The following GRK5 variants were observed in gnomAD, a reference collection of about 807,000 sequenced individuals.
GRK5 encodes the protein G protein-coupled receptor kinase 5.
In GRK5, 40 loss-of-function variants were observed where a neutral mutation model predicts 78.4. That is an observed-to-expected ratio of 0.51 (90% confidence interval 0.40 to 0.66). GRK5 has a LOEUF of 0.66. Among genes scored for constraint, GRK5 ranks in the 30% least tolerant of loss-of-function variants. The pLI is 0.00. For synonymous variants in GRK5, 289 were observed against 296.8 expected, an observed-to-expected ratio of 0.97 and a Z score of 0.27; for missense variants, 598 against 759.9, an observed-to-expected ratio of 0.79 and a Z score of 2.50.
In GRK5 at chr10:119,412,040, G is replaced by A. The variant is rs552515203; in HGVS notation, c.340-11126G>A. ...TAATTTTTGTATTTTTAGTAGAGAC[G>A]GGGTTTCATCATGTTGGCCAGGCTG... On this transcript the variant is annotated intron_variant, in intron 4 of 15. Transcript: ENST00000392870. The surrounding 1 kb of genome is among the most constrained non-coding windows in gnomAD (Gnocchi z 4.3). Among the ~76,000 whole-genome samples, 25 of 151,880 alleles carry A rather than the reference G, an allele frequency of 1.6e-4. No homozygotes were observed. Among genetic ancestry groups the A allele is most frequent in the African/African-American group, 5.8e-4 (24 of 41,454 alleles).
At chr10:119,228,054 A>G (rs538264250) in intron 1 of GRK5, among the ~76,000 whole-genome samples, 1 of 152,338 alleles carries the variant, frequency 6.6e-6, no homozygotes, top group South Asian at 2.1e-4. Context: ...AGTTCCAATG[A>G]CCATCTGTAA....
chr10:119,307,586 T>C (rs1850292494), intron 1 of GRK5, among the ~76,000 whole-genome samples: 1 of 151,962 alleles, frequency 6.6e-6, no homozygotes. Flanking sequence ...TCCCCTGGAG[T>C]CTCCAGAAGG....
intron 1 of GRK5, among the ~76,000 whole-genome samples, chr10:119,222,099 T>C (rs928147322): frequency 6.6e-6 from 1 of 152,194 alleles, no homozygotes; most frequent in Admixed American, 6.5e-5. Flanking sequence ...TTGTTTTTGC[T>C]GTTGCTGTTA....
Position 119,387,511 on chromosome 10 carries a change from C to T in GRK5, c.261+6584C>T, listed in dbSNP as rs930988904. Among the ~76,000 whole-genome samples the T allele has an allele frequency of 5.3e-5, 8 of 152,164 alleles. No homozygotes were observed. In the East Asian group the frequency reaches 1.5e-3, roughly 29 times the overall value. On this transcript the variant is annotated intron_variant, in intron 3 of 15. Coordinates refer to ENST00000392870, the MANE Select transcript of GRK5 (RefSeq NM_005308.3). The stretch of plus-strand genomic sequence containing the variant: ...TTCTCCTGCCACTGCCACCTGTCCT[C>T]TCAGCAAGAAATGGAGTCAGTGACC...
intron 1 of GRK5, among the ~76,000 whole-genome samples, chr10:119,261,029 AGG>A (rs1564867729): frequency 1.1e-4 from 1 of 9,438 alleles, no homozygotes; most frequent in African/African-American, 2.7e-4. Flanking sequence ...CTGGCCGGGC[AGG>A]GGGCTGACCC....
intron 12 of GRK5, among the ~76,000 whole-genome samples, chr10:119,446,988 T>A (rs1853163072): frequency 6.6e-6 from 1 of 152,250 alleles, no homozygotes; most frequent in African/African-American, 2.4e-5. Flanking sequence ...CTCTGGATTT[T>A]AGCCTCAAAG....
At chr10:119,333,493 CCATTGGTGGTGGA>C (rs1850819977) in intron 2 of GRK5, 1 of 265,030 alleles carries the variant, frequency 3.8e-6, no homozygotes, top group African/African-American at 2.3e-5. Context: ...TGTCCACCAC[CCATTGGTGGTGGA>C]GTAAACAGGC....
In GRK5 at chr10:119,448,207, A is replaced by G. The variant is rs1388100776; in HGVS notation, c.1351A>G (p.Met451Val). The change falls in exon 13 of 16, where the codon ATG becomes GTG. Residue 451 changes from methionine (M) to valine (V), a missense_variant. By Grantham distance (21) the Met-to-Val change is conservative (BLOSUM62 1). Coordinates refer to ENST00000392870, the MANE Select transcript of GRK5 (RefSeq NM_005308.3). The stretch of plus-strand genomic sequence containing the variant: ...CAAGAGACACCCCTTCTTCAGGAAC[A>G]TGAACTTCAAGCGCTTAGAAGCCGG... The part of the protein sequence containing the change: ...EVKRHPFFRN[M>V]NFKRLEAGML... 2 of 1,593,596 alleles carry G rather than the reference A, an allele frequency of 1.3e-6. No individual in the cohort carries two copies. Among genetic ancestry groups the G allele is most frequent in the Non-Finnish European group, 1.7e-6 (2 of 1,171,362 alleles).
chr10:119,379,021 G>C lies in GRK5; in HGVS notation c.149-1794G>C, dbSNP rs1174534355. ...AGTCACGTGCCTGTCTCCGTAGCATGGGAGGCGTCAGCTCCCCTTTTAGAT... is the reference window on the plus strand; with the variant it reads ...AGTCACGTGCCTGTCTCCGTAGCATCGGAGGCGTCAGCTCCCCTTTTAGAT... On this transcript the variant is annotated intron_variant, in intron 2 of 15. Transcript: ENST00000392870. The surrounding 1 kb of genome is among the most constrained non-coding windows in gnomAD (Gnocchi z 4.1). Among the ~76,000 whole-genome samples, 1 of 152,216 alleles carries C rather than the reference G, an allele frequency of 6.6e-6. No individual in the cohort carries two copies. Among genetic ancestry groups the C allele is most frequent in the African/African-American group, 2.4e-5 (1 of 41,450 alleles).
intron 2 of GRK5, among the ~76,000 whole-genome samples, chr10:119,370,842 C>G (rs1851534363): frequency 6.6e-6 from 1 of 151,948 alleles, no homozygotes; most frequent in Non-Finnish European, 1.5e-5. Flanking sequence ...CTATCAGGGA[C>G]CCCCTTCTCT....
intron 1 of GRK5, among the ~76,000 whole-genome samples, chr10:119,210,225 G>A (rs1256521392): frequency 6.6e-6 from 1 of 152,146 alleles, no homozygotes; most frequent in Non-Finnish European, 1.5e-5. Context: ...AGCTCTTGAT[G>A]ATGCCTTGGA....
chr10:119,242,981 A>G (rs1333237382), intron 1 of GRK5, among the ~76,000 whole-genome samples: 2 of 152,180 alleles, frequency 1.3e-5, no homozygotes, highest in East Asian at 1.9e-4. Flanking sequence ...GCTCACGCCT[A>G]TAATCCCAGC....
At chr10:119,386,946 A>C (rs1047867811) in intron 3 of GRK5, among the ~76,000 whole-genome samples, 3 of 152,042 alleles carry the variant, frequency 2.0e-5, no homozygotes, top group Non-Finnish European at 2.9e-5. Flanking sequence ...TTTTAAAAAT[A>C]ACCTGTCCTC....
In GRK5 at chr10:119,371,122, C is replaced by G. The variant is rs879608337; in HGVS notation, c.149-9693C>G. Among the ~76,000 whole-genome samples, 15 of 152,214 alleles carry G rather than the reference C, an allele frequency of 9.9e-5. No homozygotes were observed. In the South Asian group the frequency reaches 2.3e-3, roughly 23 times the overall value. Reference sequence around the variant, plus strand: ...GAACGTGTGTTTTCCTTGGCCCGAGCTCTAGGAGTGCCTGGGGCAACAATG... The same window carrying G: ...GAACGTGTGTTTTCCTTGGCCCGAGGTCTAGGAGTGCCTGGGGCAACAATG... On this transcript the variant is annotated intron_variant, in intron 2 of 15. Transcript: ENST00000392870.
intron 1 of GRK5, among the ~76,000 whole-genome samples, chr10:119,270,471 A>G (rs1849567138): frequency 6.6e-6 from 1 of 152,240 alleles, no homozygotes; most frequent in Non-Finnish European, 1.5e-5. Flanking sequence ...TGTAAAGTGT[A>G]TAGGAGGATA....
chr10:119,380,925 G>T lies in GRK5; in HGVS notation c.259G>T (p.Val87Leu). 6.3e-7 allele frequency: 1 copy of T among 1,594,650 alleles called. No homozygotes were observed. Reference sequence around the variant, plus strand: ...GTGTTACATTCAGTTCCTGGACTCCGTGGTAAGTTCCTGCTCCTGAGGGAT... The same window carrying T: ...GTGTTACATTCAGTTCCTGGACTCCTTGGTAAGTTCCTGCTCCTGAGGGAT... Reference protein sequence around the residue: ...LECYIQFLDSVAEYEVTPDEK... With the variant: ...LECYIQFLDSLAEYEVTPDEK... The change falls in exon 3 of 16, where the codon GTG becomes TTG. Residue 87 changes from valine (V) to leucine (L), a missense_variant and splice_region_variant. Physicochemically the swap from Val to Leu is conservative, Grantham distance 32. Transcript: ENST00000392870.
intron 1 of GRK5, among the ~76,000 whole-genome samples, chr10:119,303,277 C>G (rs1346942476): frequency 6.6e-6 from 1 of 152,156 alleles, no homozygotes; most frequent in East Asian, 1.9e-4. Context: ...GTGATGAGTA[C>G]TCTGTAGTGG....
intron 2 of GRK5, among the ~76,000 whole-genome samples, chr10:119,337,428 G>A (rs1850909560): frequency 6.6e-6 from 1 of 152,170 alleles, no homozygotes; most frequent in African/African-American, 2.4e-5. Flanking sequence ...TCCAAGATCA[G>A]GGTGTCAGCA....
chr10:119,435,532 A>G (rs1852903537), intron 8 of GRK5, among the ~76,000 whole-genome samples: 1 of 152,252 alleles, frequency 6.6e-6, no homozygotes, highest in Admixed American at 6.5e-5. Context: ...AAAAGATAAC[A>G]AGAGTCACCT....
Sources: gnomAD v4.1 joint callset for allele counts (sites outside exome capture counted in the v4.1 genomes callset) on GRCh38, gnomAD v4.1.1 for gene constraint, Gnocchi (gnomAD v3.1) non-coding constraint, MANE v1.5 for transcripts, NCBI Gene and HGNC (gene_info 2026-07-23, HGNC 2026-07-21) for gene names.